Variants in GALNS observed in about 807,000 individuals in gnomAD.
GALNS encodes N-acetylgalactosamine-6-sulfatase.
Under a neutral mutation model 65.9 loss-of-function variants are expected in GALNS, and 65 were observed. The observed-to-expected ratio is 0.99, with a 90% CI of 0.81 to 1.21. The LOEUF is 1.21. GALNS is among the 50% of genes most tolerant of loss of function. The probability of loss-of-function intolerance (pLI) is 0.00; values close to 1 mark genes in which losing one functional copy is unlikely to be tolerated. For synonymous variants in GALNS, 346 were observed against 288.9 expected, an observed-to-expected ratio of 1.20 and a Z score of -2.00; for missense variants, 776 against 700.7, an observed-to-expected ratio of 1.11 and a Z score of -1.21.
At chr16:88,822,955 T>C (rs1306347048) in intron 11 of GALNS, among the ~76,000 whole-genome samples, 1 of 152,166 alleles carries the variant, frequency 6.6e-6, no homozygotes, top group Admixed American at 6.5e-5. Flanking sequence ...ATAAGCATCC[T>C]GTGGAGGAGG....
rs549531156 is a variant in GALNS at position 88,854,688 on chromosome 16, A to T, written c.120+2070T>A. On this transcript the variant is annotated intron_variant, in intron 1 of 13. Coordinates refer to ENST00000268695, the MANE Select transcript of GALNS (RefSeq NM_000512.5). ...CAGGGGTGACTTGGAGTCACCTAGG[A>T]CCATCACAGGCTGAGTGAGGATGTG... Among the ~76,000 whole-genome samples, 533 of 152,302 alleles carry T rather than the reference A, an allele frequency of 3.5e-3. 3 individuals carry two copies. Among genetic ancestry groups the T allele is most frequent in the African/African-American group, 0.012 (512 of 41,552 alleles).
chr16:88,846,825 G>T (rs1036216103), intron 1 of GALNS, among the ~76,000 whole-genome samples: 1 of 152,102 alleles, frequency 6.6e-6, no homozygotes, highest in Non-Finnish European at 1.5e-5. Context: ...TTACAGGTGT[G>T]AGCACTGTGC....
At chr16:88,831,945 G>A in intron 9 of GALNS, 53 bp downstream of exon 9, 3 of 1,503,234 alleles carry the variant, frequency 2.0e-6, no homozygotes, top group Non-Finnish European at 1.8e-6. Context: ...CACACCCTGG[G>A]ATGGCTGCAG....
intron 1 of GALNS, among the ~76,000 whole-genome samples, chr16:88,847,287 CCT>C (rs954495782): frequency 7.9e-5 from 12 of 152,184 alleles, no homozygotes; most frequent in Non-Finnish European, 1.2e-4. Context: ...AGGAGAATCC[CCT>C]GAGCTCAGGA....
intron 9 of GALNS, 55 bp from the exon 10 acceptor site, chr16:88,826,893 T>C (rs1910988346): frequency 6.5e-7 from 1 of 1,548,640 alleles, no homozygotes; most frequent in African/African-American, 1.4e-5. Flanking sequence ...CCGATGGGGC[T>C]GGGGGCCAAT....
chr16:88,846,774 C>T (rs1172266455), intron 1 of GALNS, among the ~76,000 whole-genome samples: 3 of 152,072 alleles, frequency 2.0e-5, no homozygotes, highest in Admixed American at 6.5e-5. Flanking sequence ...AACTCCTGAC[C>T]TCCGGTGATC....
intron 9 of GALNS, chr16:88,827,222 G>C (rs73252805): frequency 0.015 from 3,888 of 264,342 alleles, 156 homozygotes; most frequent in African/African-American, 0.077. Flanking sequence ...AGTCAGAGGA[G>C]CAGGTGGAGA....
intron 9 of GALNS, among the ~76,000 whole-genome samples, chr16:88,827,374 G>C (rs1032717687): frequency 2.0e-5 from 3 of 152,210 alleles, no homozygotes; most frequent in South Asian, 4.1e-4. Context: ...TCCGGAGGGC[G>C]TGGGCACTGC....
chr16:88,841,835 C>A, intron 3 of GALNS, 62 bp downstream of exon 3: 1 of 1,461,712 alleles, frequency 6.8e-7, no homozygotes, highest in Non-Finnish European at 9.4e-7. Context: ...CGGGCACCAC[C>A]CGTAGCCCAC....
intron 13 of GALNS, chr16:88,815,048 G>A (rs1249558334): frequency 1.0e-6 from 1 of 972,096 alleles, no homozygotes; most frequent in Non-Finnish European, 1.2e-6. Flanking sequence ...CAGTTTTGAT[G>A]TGTCCCCTGC....
At position 88,841,976 on chromosome 16, in the gene GALNS, G is replaced by C. The variant is rs1484422564; in HGVS notation, c.245-5C>G. The C allele has an allele frequency of 6.2e-7, 1 of 1,610,704 alleles. No individual in the cohort carries two copies. On this transcript the variant is annotated splice_polypyrimidine_tract_variant and splice_region_variant and intron_variant, in intron 2 of 13. Coordinates refer to ENST00000268695, the MANE Select transcript of GALNS (RefSeq NM_000512.5). ...CTGTGAGCAGTGCCGCCCTCGCTAT[G>C]TGGAGGTGACAGAAACAGAAACTGG... is the stretch of plus-strand genomic sequence containing the variant.
At chr16:88,826,669 G>A (rs776559410) in intron 10 of GALNS, 33 bp downstream of exon 10, 43 of 1,602,822 alleles carry the variant, frequency 2.7e-5, no homozygotes, top group Middle Eastern at 1.7e-4. Context: ...TACTTGGATC[G>A]GGGGAAGGGG....
intron 9 of GALNS, among the ~76,000 whole-genome samples, chr16:88,827,802 G>A (rs1911088129): frequency 6.6e-6 from 1 of 152,212 alleles, no homozygotes; most frequent in Admixed American, 6.5e-5. Flanking sequence ...ACTGGGGTGG[G>A]GCTGGAGAGA....
Position 88,841,107 on chromosome 16 carries a change from C to T in GALNS, c.320-13G>A, listed in dbSNP as rs113186480. The T allele has an allele frequency of 6.2e-6, 10 of 1,608,370 alleles. No individual in the cohort carries two copies. Among genetic ancestry groups the T allele is most frequent in the African/African-American group, 2.7e-5 (2 of 74,830 alleles). On this transcript the variant is annotated splice_polypyrimidine_tract_variant and intron_variant, in intron 3 of 13. Coordinates refer to ENST00000268695, the MANE Select transcript of GALNS (RefSeq NM_000512.5). Reference sequence around the variant, plus strand: ...TGCGGTGTGTAGGCTGGAAGAGCAGCGCTGGGTGAGCCCCGAGGAGACCCC... The same window carrying T: ...TGCGGTGTGTAGGCTGGAAGAGCAGTGCTGGGTGAGCCCCGAGGAGACCCC...
At chr16:88,839,147 C>T (rs1487343929) in intron 4 of GALNS, among the ~76,000 whole-genome samples, 3 of 151,640 alleles carry the variant, frequency 2.0e-5, no homozygotes, top group East Asian at 1.9e-4. Flanking sequence ...AGGGGACACT[C>T]GTGCGCCCAC....
chr16:88,839,771 C>T (rs985569514), intron 4 of GALNS, among the ~76,000 whole-genome samples: 12 of 152,230 alleles, frequency 7.9e-5, no homozygotes, highest in East Asian at 1.9e-4. Flanking sequence ...CCCTCTCTCC[C>T]GTCGACAGCT....
chr16:88,842,321 ACAC>A (rs907664960), intron 2 of GALNS: 41 of 506,222 alleles, frequency 8.1e-5, no homozygotes, highest in African/African-American at 7.0e-4. Context: ...CTCACGATCA[ACAC>A]CACATGTTTC....
intron 1 of GALNS, chr16:88,844,416 G>A (rs12447646): frequency 0.21 from 31,604 of 152,256 alleles, 4,016 homozygotes; most frequent in East Asian, 0.56. Flanking sequence ...GGCACCGCCT[G>A]GGGCTTTGGC....
chr16:88,826,909 G>A (rs979818693), intron 9 of GALNS, 71 bp from the exon 10 acceptor site: 2 of 1,535,084 alleles, frequency 1.3e-6, no homozygotes, highest in Non-Finnish European at 1.8e-6. Flanking sequence ...CCAATCCCTG[G>A]GGGGGCGTGA....
Sources: allele counts gnomAD v4.1 joint callset (sites outside exome capture counted in the v4.1 genomes callset), GRCh38; gene constraint gnomAD v4.1.1; transcripts MANE v1.5; gene names NCBI Gene and HGNC (gene_info 2026-07-23, HGNC 2026-07-21).